Variants in DRC9 observed in about 807,000 individuals in gnomAD.
DRC9 encodes dynein regulatory complex protein 9.
At chr3:197,939,645 T>A in the DRC9 span, among the ~76,000 whole-genome samples, 1 of 152,204 alleles carries the variant, frequency 6.6e-6, no homozygotes, top group Non-Finnish European at 1.5e-5. Context: ...AGTTAACATC[T>A]CTGTGTCCCC....
At chr3:197,945,497 A>G in the DRC9 span, 1 of 670,968 alleles carries the variant, frequency 1.5e-6, no homozygotes, top group South Asian at 1.9e-5. Flanking sequence ...AAATGTTTAT[A>G]TTTTAAGTCA....
At chr3:197,915,757 G>A in the DRC9 span, among the ~76,000 whole-genome samples, 26 of 151,860 alleles carry the variant, frequency 1.7e-4, no homozygotes, top group Admixed American at 6.6e-4. Context: ...AGCCTTCTGA[G>A]TAGCTGGGAT....
At chr3:197,905,575 G>A in the DRC9 span, among the ~76,000 whole-genome samples, 1 of 151,726 alleles carries the variant, frequency 6.6e-6, no homozygotes, top group Non-Finnish European at 1.5e-5. Flanking sequence ...AAGAAACCCT[G>A]TCTCCACTAA....
chr3:197,946,158 G>T, the DRC9 span, among the ~76,000 whole-genome samples: 1 of 152,294 alleles, frequency 6.6e-6, no homozygotes, highest in African/African-American at 2.4e-5. Context: ...AATTGGGGCC[G>T]GGCGCGGGGG....
chr3:197,891,612 C>G, the DRC9 span: 1 of 794,460 alleles, frequency 1.3e-6, no homozygotes, highest in South Asian at 1.9e-5. Flanking sequence ...CCCAGCCAGC[C>G]CTGCACTTTT....
At chr3:197,912,921 C>T in the DRC9 span, 14 of 630,946 alleles carry the variant, frequency 2.2e-5, no homozygotes, top group African/African-American at 3.7e-5. Context: ...CCACGTGGCG[C>T]GGCACTGTGT....
chr3:197,920,452 C>T, the DRC9 span, among the ~76,000 whole-genome samples: 6 of 147,770 alleles, frequency 4.1e-5, no homozygotes, highest in Non-Finnish European at 8.9e-5. Context: ...AAAGGCCAGT[C>T]GTGATGGCTC....
chr3:197,913,347 TGTGTGCGTGC>T, the DRC9 span: 48 of 224,018 alleles, frequency 2.1e-4, no homozygotes, highest in African/African-American at 8.6e-4. Flanking sequence ...CGTGCGTGCG[TGTGTGCGTGC>T]GTGCGTGTGT....
chr3:197,951,020 C>T, the DRC9 span: 2 of 1,606,390 alleles, frequency 1.2e-6, no homozygotes, highest in Admixed American at 1.7e-5. Flanking sequence ...GTGTGTTAGA[C>T]GTGAACGTAA....
the DRC9 span, among the ~76,000 whole-genome samples, chr3:197,936,954 T>C: frequency 1.3e-5 from 2 of 152,196 alleles, no homozygotes; most frequent in African/African-American, 4.8e-5. Context: ...TAGGGTCGAA[T>C]ACCGAGGTCA....
chr3:197,914,062 T>C, the DRC9 span: 1 of 1,610,064 alleles, frequency 6.2e-7, no homozygotes, highest in Admixed American at 1.7e-5. Context: ...AAAGACCAGG[T>C]TTCTAAATTG....
At chr3:197,910,754 T>C in the DRC9 span, among the ~76,000 whole-genome samples, 1 of 151,878 alleles carries the variant, frequency 6.6e-6, no homozygotes, top group Non-Finnish European at 1.5e-5. Flanking sequence ...CCGAGGCAGG[T>C]GGATTACCTG....
chr3:197,895,690 T>C, the DRC9 span, among the ~76,000 whole-genome samples: 1 of 152,138 alleles, frequency 6.6e-6, no homozygotes, highest in African/African-American at 2.4e-5. Flanking sequence ...TAGAAAATAT[T>C]GACCGGGTGC....
the DRC9 span, among the ~76,000 whole-genome samples, chr3:197,954,846 A>G: frequency 6.6e-6 from 1 of 152,204 alleles, no homozygotes; most frequent in Non-Finnish European, 1.5e-5. Context: ...TTTATTGGGC[A>G]CTGAAGTAAT....
the DRC9 span, among the ~76,000 whole-genome samples, chr3:197,925,118 G>T: frequency 1.3e-5 from 2 of 151,974 alleles, no homozygotes; most frequent in Non-Finnish European, 2.9e-5. Context: ...TTTCCATCTG[G>T]GATGTGAGAG....
chr3:197,954,654 C>T, the DRC9 span, among the ~76,000 whole-genome samples: 8,530 of 152,110 alleles, frequency 0.056, 296 homozygotes, highest in South Asian at 0.088. Context: ...GAATTACAGG[C>T]GTATATACCA....
chr3:197,959,924 A>C, the DRC9 span: 1 of 466,970 alleles, frequency 2.1e-6, no homozygotes, highest in African/African-American at 2.0e-5. Context: ...TAGTAGGTGC[A>C]TGTCACTTTG....
At chr3:197,926,710 T>C in the DRC9 span, among the ~76,000 whole-genome samples, 1 of 152,052 alleles carries the variant, frequency 6.6e-6, no homozygotes, top group African/African-American at 2.4e-5. Context: ...AGGAATCACA[T>C]GGGATGGGCC....
chr3:197,927,557 C>T, the DRC9 span, among the ~76,000 whole-genome samples: 19 of 152,288 alleles, frequency 1.2e-4, no homozygotes, highest in Admixed American at 7.2e-4. Context: ...AGTTAATTAA[C>T]TAGAATCTTG....
Sources: allele counts gnomAD v4.1 joint callset (sites outside exome capture counted in the v4.1 genomes callset), GRCh38; gene constraint gnomAD v4.1.1; transcripts MANE v1.5; gene names NCBI Gene and HGNC (gene_info 2026-07-23, HGNC 2026-07-21).